ADAMTSL1: variants seen among roughly 807,000 people sequenced by gnomAD.
The protein encoded by ADAMTSL1 is ADAMTS-like protein 1.
ADAMTSL1 carries 126 observed loss-of-function variants against 201.8 expected under a neutral mutation model. That is an observed-to-expected ratio of 0.62 (90% CI 0.54 to 0.72). The LOEUF is 0.72. Among genes scored for constraint, ADAMTSL1 ranks in the 30% least tolerant of loss-of-function variants. The pLI is 0.00. For missense variants in ADAMTSL1, 2,679 were observed against 2,277.8 expected, an observed-to-expected ratio of 1.18 and a Z score of -3.59; for synonymous variants, 1,121 against 903.4, an observed-to-expected ratio of 1.24 and a Z score of -4.32.
intron 2 of ADAMTSL1, among the ~76,000 whole-genome samples, chr9:18,381,286 T>G (rs191813855): frequency 6.6e-6 from 1 of 152,330 alleles, no homozygotes; most frequent in East Asian, 1.9e-4. Flanking sequence ...TAGGTCTTTG[T>G]GTTTGGCTTT....
intron 4 of ADAMTSL1, among the ~76,000 whole-genome samples, chr9:18,581,770 GA>G (rs1391179287): frequency 1.3e-5 from 2 of 152,102 alleles, no homozygotes; most frequent in African/African-American, 2.4e-5. Context: ...GTCTGATACC[GA>G]GCAGGAAAAA....
At chr9:18,154,104 A>G (rs1413035695) in intron 1 of ADAMTSL1, among the ~76,000 whole-genome samples, 2 of 152,032 alleles carry the variant, frequency 1.3e-5, no homozygotes. Flanking sequence ...TTCAACAAAT[A>G]TGGATAACCT....
intron 1 of ADAMTSL1, among the ~76,000 whole-genome samples, chr9:18,131,154 C>T (rs376051196): frequency 6.6e-6 from 1 of 152,112 alleles, no homozygotes; most frequent in African/African-American, 2.4e-5. Context: ...TACCTAAAAA[C>T]TAAGTCTTGG....
intron 2 of ADAMTSL1, among the ~76,000 whole-genome samples, chr9:18,169,025 G>C (rs926720896): frequency 2.8e-5 from 4 of 142,468 alleles, no homozygotes; most frequent in African/African-American, 1.0e-4. Context: ...CTGGATATTA[G>C]CCCTTTGTCA....
intron 2 of ADAMTSL1, among the ~76,000 whole-genome samples, chr9:18,297,783 T>C (rs1360040084): frequency 6.6e-6 from 1 of 152,202 alleles, no homozygotes; most frequent in Non-Finnish European, 1.5e-5. Context: ...GAGAAGTGTT[T>C]AAAAGACTTA....
rs536646827 is a variant in ADAMTSL1 at position 18,276,417 on chromosome 9, C to G, written c.207+112436C>G. 2.3e-4 allele frequency among the ~76,000 whole-genome samples: 35 copies of G among 152,270 alleles called. No homozygotes were observed. The South Asian group carries it at 5.8e-3, about 25-fold the overall frequency. Reference sequence around the variant, plus strand: ...TGTGTCCTATGAAAACTTTGCCTAACTCAAGTTCTCTAAGATTTTCCCATT... The same window carrying G: ...TGTGTCCTATGAAAACTTTGCCTAAGTCAAGTTCTCTAAGATTTTCCCATT... On this transcript the variant is annotated intron_variant, in intron 2 of 29. Coordinates refer to the ADAMTSL1 transcript ENST00000680146.
At chr9:18,180,830 C>T (rs1431672451) in intron 2 of ADAMTSL1, among the ~76,000 whole-genome samples, 1 of 152,166 alleles carries the variant, frequency 6.6e-6, no homozygotes, top group South Asian at 2.1e-4. Flanking sequence ...ATCGCCAAGT[C>T]AATCCTAAGG....
At chr9:18,857,258 A>G (rs948727184) in intron 23 of ADAMTSL1, among the ~76,000 whole-genome samples, 2 of 152,350 alleles carry the variant, frequency 1.3e-5, no homozygotes, top group East Asian at 3.9e-4. Context: ...TGCCCAGTGC[A>G]TATTCCTTCA....
chr9:18,344,167 C>T (rs10963579), intron 2 of ADAMTSL1, among the ~76,000 whole-genome samples: 9 of 152,194 alleles, frequency 5.9e-5, no homozygotes, highest in East Asian at 3.9e-4. Flanking sequence ...TTGGTTCACC[C>T]GAATACTGAA....
intron 1 of ADAMTSL1, among the ~76,000 whole-genome samples, chr9:17,976,920 A>G (rs72697412): frequency 0.16 from 24,051 of 152,008 alleles, 2,461 homozygotes; most frequent in Middle Eastern, 0.24. Flanking sequence ...TCCTGATCTT[A>G]GAGAAAAAGC....
At chr9:18,853,918 T>TGTGTGTGTGTGTGTGTGTGTGTGTGC (rs139332733) in intron 23 of ADAMTSL1, among the ~76,000 whole-genome samples, 30 of 145,486 alleles carry the variant, frequency 2.1e-4, no homozygotes, top group African/African-American at 6.0e-4. Flanking sequence ...TGTGTGTGTG[T>TGTGTGTGTGTGTGTGTGTGTGTGTGC]GCGCGTGCAT....
intron 2 of ADAMTSL1, among the ~76,000 whole-genome samples, chr9:18,430,330 C>G (rs1473909317): frequency 1.3e-5 from 2 of 152,150 alleles, no homozygotes; most frequent in Admixed American, 1.3e-4. Context: ...AATGGCTTCC[C>G]AAAGTGTGCT....
intron 1 of ADAMTSL1, among the ~76,000 whole-genome samples, chr9:18,079,549 G>A (rs1275693744): frequency 1.3e-5 from 2 of 151,912 alleles, no homozygotes; most frequent in African/African-American, 4.8e-5. Flanking sequence ...GGGCATGGTG[G>A]TGCACGCCTG....
intron 2 of ADAMTSL1, among the ~76,000 whole-genome samples, chr9:18,415,120 C>T (rs1818617063): frequency 6.6e-6 from 1 of 152,132 alleles, no homozygotes; most frequent in Non-Finnish European, 1.5e-5. Context: ...TACATAAATA[C>T]AGAAATTTCT....
At chr9:18,626,610 G>C (rs1023385382) in intron 5 of ADAMTSL1, among the ~76,000 whole-genome samples, 3 of 152,194 alleles carry the variant, frequency 2.0e-5, no homozygotes, top group Non-Finnish European at 4.4e-5. Context: ...TTGTAAGTCT[G>C]AATGAAATGG....
chr9:18,132,965 G>T (rs545136890), intron 1 of ADAMTSL1, among the ~76,000 whole-genome samples: 1 of 152,224 alleles, frequency 6.6e-6, no homozygotes, highest in African/African-American at 2.4e-5. Flanking sequence ...TAAGGAGGTA[G>T]GGTTTAGATT....
intron 2 of ADAMTSL1, among the ~76,000 whole-genome samples, chr9:18,458,139 T>A (rs1820677104): frequency 6.6e-6 from 1 of 152,206 alleles, no homozygotes; most frequent in South Asian, 2.1e-4. Context: ...CAGGATTTCA[T>A]AGAAGTAATT....
intron 26 of ADAMTSL1, among the ~76,000 whole-genome samples, chr9:18,900,328 G>C (rs769813175): frequency 1.3e-5 from 2 of 152,212 alleles, no homozygotes; most frequent in Non-Finnish European, 2.9e-5. Flanking sequence ...CACTGTTGGT[G>C]AGAATATAAA....
chr9:18,108,425 C>G (rs979926002), intron 1 of ADAMTSL1, among the ~76,000 whole-genome samples: 1 of 151,900 alleles, frequency 6.6e-6, no homozygotes. Flanking sequence ...GTCTTGAACT[C>G]CTGAGCTCAA....
Sources: gnomAD v4.1 joint callset for allele counts (sites outside exome capture counted in the v4.1 genomes callset) on GRCh38, gnomAD v4.1.1 for gene constraint, MANE v1.5 for transcripts, NCBI Gene and HGNC (gene_info 2026-07-23, HGNC 2026-07-21) for gene names.